The following METTL25 variants were observed in gnomAD, a reference collection of about 807,000 sequenced individuals.
METTL25 encodes probable methyltransferase-like protein 25.
In METTL25, 64 loss-of-function variants were observed where a neutral mutation model predicts 71.6. That is an observed-to-expected ratio of 0.89 (90% CI 0.73 to 1.10). The LOEUF (loss-of-function observed/expected upper bound fraction) is 1.10. Ranked by LOEUF, METTL25 falls within the 50% of genes least tolerant of loss-of-function variation. The pLI is 0.00. For synonymous variants in METTL25, 287 were observed against 250.3 expected, an observed-to-expected ratio of 1.15 and a Z score of -1.38; for missense variants, 807 against 707.0, an observed-to-expected ratio of 1.14 and a Z score of -1.60.
chr12:82,372,109 A>G (rs1353949755), intron 1 of METTL25, among the ~76,000 whole-genome samples: 2 of 152,136 alleles, frequency 1.3e-5, no homozygotes, highest in Non-Finnish European at 1.5e-5. Context: ...GGTTTGATCT[A>G]TCAATAGCAT....
intron 1 of METTL25, among the ~76,000 whole-genome samples, chr12:82,369,202 C>T (rs188667087): frequency 6.6e-6 from 1 of 152,270 alleles, no homozygotes; most frequent in East Asian, 1.9e-4. Flanking sequence ...TGAAATTACT[C>T]ATTGTATGTT....
At chr12:82,439,963 G>T in intron 8 of METTL25, 3 of 283,752 alleles carry the variant, frequency 1.1e-5, no homozygotes, top group Non-Finnish European at 1.6e-5. Flanking sequence ...CCACATGCCT[G>T]TGTTCCTTTA....
chr12:82,403,993 G>C (rs1481215292), intron 5 of METTL25, among the ~76,000 whole-genome samples: 1 of 152,074 alleles, frequency 6.6e-6, no homozygotes, highest in Non-Finnish European at 1.5e-5. Flanking sequence ...TTAAAACCCA[G>C]ATTAATATAT....
intron 5 of METTL25, chr12:82,407,690 G>A (rs1199495394): frequency 1.0e-5 from 3 of 296,090 alleles, no homozygotes. Flanking sequence ...GGGCGGGGAC[G>A]TATGCAACGT....
At chr12:82,461,193 A>G (rs1371634122) in intron 9 of METTL25, among the ~76,000 whole-genome samples, 1 of 152,220 alleles carries the variant, frequency 6.6e-6, no homozygotes, top group Non-Finnish European at 1.5e-5. Context: ...ACAGAAGAAA[A>G]GAGTATACAG....
rs1337922236 is a variant in METTL25, at chr12:82,399,037, T to C, written c.774T>C (p.Thr258=). The change falls in exon 4 of 12, where the codon ACT becomes ACC. Residue 258 remains threonine (T), a synonymous_variant. Coordinates refer to ENST00000248306, the MANE Select transcript of METTL25 (RefSeq NM_032230.3). ...VQNKVKNKAD[T]EEVFNNSPTN... is the part of the protein sequence containing the mutation. ...ATAAAGTTAAAAATAAAGCTGATACTGAGGAAGTGTTTAACAACAGTCCTA... is the reference window on the plus strand; with the variant it reads ...ATAAAGTTAAAAATAAAGCTGATACCGAGGAAGTGTTTAACAACAGTCCTA... 2 of 1,612,160 alleles carry C rather than the reference T, an allele frequency of 1.2e-6. No individual in the cohort carries two copies. Among genetic ancestry groups the C allele is most frequent in the Non-Finnish European group, 1.7e-6 (2 of 1,179,068 alleles).
intron 2 of METTL25, among the ~76,000 whole-genome samples, chr12:82,389,274 G>A (rs4882441): frequency 6.6e-6 from 1 of 152,074 alleles, no homozygotes; most frequent in Admixed American, 6.6e-5. Context: ...GTGGCTAGTG[G>A]AGCATAGAAT....
intron 1 of METTL25, among the ~76,000 whole-genome samples, chr12:82,363,907 A>C (rs1381525837): frequency 6.6e-6 from 1 of 152,206 alleles, no homozygotes. Context: ...GTTGGATTTC[A>C]GTGGCTGTTA....
intron 5 of METTL25, among the ~76,000 whole-genome samples, chr12:82,419,700 A>AAAG (rs1293102867): frequency 1.4e-5 from 2 of 147,486 alleles, no homozygotes; most frequent in Non-Finnish European, 3.0e-5. Flanking sequence ...TATTAAAAAA[A>AAAG]AAAAGCCACA....
At chr12:82,435,005 A>T (rs1444265079) in intron 7 of METTL25, among the ~76,000 whole-genome samples, 1 of 151,522 alleles carries the variant, frequency 6.6e-6, no homozygotes, top group Non-Finnish European at 1.5e-5. Flanking sequence ...GCTGTTGTTG[A>T]CAATTAGGTT....
Position 82,358,783 on chromosome 12 carries a change from C to A in METTL25, c.218C>A (p.Pro73His). 2.5e-6 allele frequency: 4 copies of A among 1,613,702 alleles called. No homozygotes were observed. Among genetic ancestry groups the A allele is most frequent in the Non-Finnish European group, 3.4e-6 (4 of 1,179,886 alleles). The change falls in exon 1 of 12, where the codon CCC becomes CAC. Residue 73 changes from proline to histidine, a missense_variant. Physicochemically the swap from Pro to His is moderately conservative, Grantham distance 77 (BLOSUM62 -2). Coordinates refer to ENST00000248306, the MANE Select transcript of METTL25 (RefSeq NM_032230.3). ...RKSASETEALPSETRPLVEAE... is the reference protein window; with the variant it reads ...RKSASETEALHSETRPLVEAE... ...TCAGCGTCGGAGACGGAGGCCCTGC[C>A]CTCAGAGACGCGCCCCCTAGTGGAA...
chr12:82,377,094 CAA>C (rs1883950275), intron 1 of METTL25, among the ~76,000 whole-genome samples: 1 of 150,882 alleles, frequency 6.6e-6, no homozygotes, highest in South Asian at 2.1e-4. Context: ...GCCTGGGTGA[CAA>C]GAGCAAGACT....
At chr12:82,383,135 A>G (rs1884605233) in intron 1 of METTL25, among the ~76,000 whole-genome samples, 1 of 152,064 alleles carries the variant, frequency 6.6e-6, no homozygotes, top group Admixed American at 6.6e-5. Context: ...TGCCAGAGGG[A>G]ATACTTGCCA....
In METTL25 at chr12:82,445,101, T is replaced by C. The variant is rs181089175; in HGVS notation, c.1478+6310T>C. On this transcript the variant is annotated intron_variant, in intron 8 of 11. Coordinates refer to ENST00000248306, the MANE Select transcript of METTL25 (RefSeq NM_032230.3). Reference sequence around the variant, plus strand: ...CAAAACCCAAGTGCAAGTCCACTTATATGCAGTATTTTTTTAATAAGTACA... The same window carrying C: ...CAAAACCCAAGTGCAAGTCCACTTACATGCAGTATTTTTTTAATAAGTACA... 5.3e-5 allele frequency among the ~76,000 whole-genome samples: 8 copies of C among 152,292 alleles called. No homozygotes were observed. The East Asian group carries it at 1.2e-3, about 22-fold the overall frequency.
intron 1 of METTL25, among the ~76,000 whole-genome samples, chr12:82,362,445 A>C (rs576417529): frequency 6.6e-6 from 1 of 152,332 alleles, no homozygotes; most frequent in African/African-American, 2.4e-5. Context: ...AAGGTAATTC[A>C]GCTAATATAT....
chr12:82,428,035 T>A (rs1304490062), intron 5 of METTL25, among the ~76,000 whole-genome samples: 2 of 151,924 alleles, frequency 1.3e-5, no homozygotes, highest in Non-Finnish European at 2.9e-5. Flanking sequence ...TCTCTACTGC[T>A]CTTGTTTGCA....
At chr12:82,378,933 G>A (rs1884158795) in intron 1 of METTL25, among the ~76,000 whole-genome samples, 1 of 152,134 alleles carries the variant, frequency 6.6e-6, no homozygotes, top group South Asian at 2.1e-4. Flanking sequence ...TTAGGAGGCT[G>A]AGGTGAGAGG....
At chr12:82,437,713 G>A (rs1275987593) in intron 7 of METTL25, among the ~76,000 whole-genome samples, 1 of 151,648 alleles carries the variant, frequency 6.6e-6, no homozygotes, top group Non-Finnish European at 1.5e-5. Flanking sequence ...TAACTCCATG[G>A]ATATACACGT....
chr12:82,375,491 A>G (rs564018865), intron 1 of METTL25, among the ~76,000 whole-genome samples: 2 of 152,160 alleles, frequency 1.3e-5, no homozygotes, highest in Middle Eastern at 3.2e-3. Flanking sequence ...AGTCTCAAGT[A>G]TTTTGTTATA....
Sources: gnomAD v4.1 joint callset for allele counts (sites outside exome capture counted in the v4.1 genomes callset) on GRCh38, gnomAD v4.1.1 for gene constraint, MANE v1.5 for transcripts, NCBI Gene and HGNC (gene_info 2026-07-23, HGNC 2026-07-21) for gene names.